Variants in PDE1A observed in about 807,000 individuals in gnomAD.
PDE1A encodes phosphodiesterase 1A, also known as dual specificity calcium/calmodulin-dependent 3',5'-cyclic nucleotide phosphodiesterase 1A.
PDE1A carries 35 observed loss-of-function variants against 61.7 expected under a neutral mutation model. The ratio of observed to expected loss-of-function variants is 0.57; its 90% CI spans 0.43 to 0.75. The LOEUF (loss-of-function observed/expected upper bound fraction) is 0.75. Ranked by LOEUF, PDE1A falls within the 30% of genes least tolerant of loss-of-function variation. PDE1A has a pLI of 0.00. For missense variants in PDE1A, 597 were observed against 630.6 expected, an observed-to-expected ratio of 0.95 and a Z score of 0.57; for synonymous variants, 232 against 213.2, an observed-to-expected ratio of 1.09 and a Z score of -0.77.
intron 6 of PDE1A, among the ~76,000 whole-genome samples, chr2:182,228,191 T>G (rs141492674): frequency 7.9e-5 from 12 of 152,032 alleles, no homozygotes; most frequent in Non-Finnish European, 1.5e-4. Flanking sequence ...AGGAGAGAGA[T>G]AGGGGGACAA....
At chr2:182,295,090 T>C (rs6712992) in intron 1 of PDE1A, among the ~76,000 whole-genome samples, 93,275 of 110,836 alleles carry the variant, frequency 0.84, 39,336 homozygotes, top group Middle Eastern at 0.88. Context: ...TTTTTTGAGA[T>C]GGAGTCTCGC....
chr2:182,610,098 A>AG, the PDE1A span, among the ~76,000 whole-genome samples: 1 of 151,890 alleles, frequency 6.6e-6, no homozygotes, highest in Non-Finnish European at 1.5e-5. Context: ...AAAAAAAAAA[A>AG]AAAAGAAAGA....
the PDE1A span, among the ~76,000 whole-genome samples, chr2:182,683,822 T>C: frequency 2.0e-5 from 3 of 152,166 alleles, no homozygotes; most frequent in East Asian, 3.9e-4. Flanking sequence ...AAACTGCTGA[T>C]AGAAATGCAA....
At chr2:182,441,677 T>G (rs1684805472) in intron 2 of PDE1A, among the ~76,000 whole-genome samples, 1 of 151,908 alleles carries the variant, frequency 6.6e-6, no homozygotes, top group African/African-American at 2.4e-5. Context: ...ATAGGCTGAA[T>G]CCAGGGCTGG....
In PDE1A at chr2:182,330,779, C is replaced by T. The variant is rs559944745; in HGVS notation, c.54-66365G>A. 5.9e-5 allele frequency among the ~76,000 whole-genome samples: 9 copies of T among 152,276 alleles called. 1 individual carries two copies. The South Asian group carries it at 1.9e-3, about 32-fold the overall frequency. On this transcript the variant is annotated intron_variant, in intron 1 of 13. Coordinates refer to ENST00000351439, the Ensembl canonical transcript of PDE1A. Reference sequence around the variant, plus strand: ...AAAAAGTTATCTTTGGCCTTGCTGACTAGTTTCTTGGTTTCTCTAGCATCA... The same window carrying T: ...AAAAAGTTATCTTTGGCCTTGCTGATTAGTTTCTTGGTTTCTCTAGCATCA...
the PDE1A span, among the ~76,000 whole-genome samples, chr2:182,549,138 A>G: frequency 6.6e-6 from 1 of 152,144 alleles, no homozygotes; most frequent in African/African-American, 2.4e-5. Flanking sequence ...TTTCCCTTGG[A>G]AAAAAATCAC....
chr2:182,656,399 A>G, the PDE1A span, among the ~76,000 whole-genome samples: 1 of 152,228 alleles, frequency 6.6e-6, no homozygotes. Context: ...TTTAGCTATA[A>G]TGCACATTCT....
At chr2:182,213,358 G>A (rs1319308231) in intron 7 of PDE1A, among the ~76,000 whole-genome samples, 49 of 84,502 alleles carry the variant, frequency 5.8e-4, no homozygotes, top group African/African-American at 2.2e-3. Context: ...AAAGCAGAGC[G>A]CCTCTCCTCC....
the PDE1A span, among the ~76,000 whole-genome samples, chr2:182,629,368 C>T: frequency 6.6e-5 from 10 of 152,044 alleles, 1 homozygote; most frequent in Admixed American, 6.6e-4. Context: ...AAGAACATTC[C>T]CCTTCTCTTT....
At chr2:182,172,408 A>C (rs977566159) in intron 13 of PDE1A, among the ~76,000 whole-genome samples, 2 of 152,058 alleles carry the variant, frequency 1.3e-5, no homozygotes, top group African/African-American at 4.8e-5. Context: ...AGTGGTTCTC[A>C]ACCTTTTATC....
At chr2:182,372,259 G>A (rs1700162794) in intron 1 of PDE1A, among the ~76,000 whole-genome samples, 2 of 152,188 alleles carry the variant, frequency 1.3e-5, no homozygotes, top group African/African-American at 4.8e-5. Flanking sequence ...CTGCTATGAG[G>A]AGGAAGGTAT....
intron 1 of PDE1A, among the ~76,000 whole-genome samples, chr2:182,365,534 A>G (rs2125205091): frequency 6.6e-6 from 1 of 152,134 alleles, no homozygotes; most frequent in African/African-American, 2.4e-5. Flanking sequence ...TATAAAATTA[A>G]CAGCAATGCC....
At chr2:182,419,171 A>C (rs973777942) in intron 1 of PDE1A, among the ~76,000 whole-genome samples, 2 of 152,168 alleles carry the variant, frequency 1.3e-5, no homozygotes, top group Non-Finnish European at 2.9e-5. Context: ...TAGGCAATGA[A>C]TTTCCTGACA....
chr2:182,403,962 C>A (rs1025014873), intron 1 of PDE1A, among the ~76,000 whole-genome samples: 1 of 151,824 alleles, frequency 6.6e-6, no homozygotes, highest in Admixed American at 6.6e-5. Context: ...TGCACATGTA[C>A]CCCAGAACTT....
chr2:182,315,237 T>C (rs1184528643), intron 1 of PDE1A, among the ~76,000 whole-genome samples: 2 of 152,190 alleles, frequency 1.3e-5, no homozygotes, highest in African/African-American at 2.4e-5. Context: ...TCTCCAATCA[T>C]TTTCATTAAT....
chr2:182,687,775 C>G, the PDE1A span, among the ~76,000 whole-genome samples: 193 of 152,244 alleles, frequency 1.3e-3, 1 homozygote, highest in Middle Eastern at 6.8e-3. Context: ...AAGTTAAAAA[C>G]CTTGAAAAAA....
chr2:182,362,878 T>A (rs1205743798), intron 1 of PDE1A, among the ~76,000 whole-genome samples: 3 of 152,078 alleles, frequency 2.0e-5, no homozygotes, highest in Non-Finnish European at 4.4e-5. Flanking sequence ...TGGAATACTA[T>A]GCAGCCATAA....
At chr2:182,347,972 A>G (rs1209977099) in intron 1 of PDE1A, among the ~76,000 whole-genome samples, 1 of 152,124 alleles carries the variant, frequency 6.6e-6, no homozygotes, top group East Asian at 1.9e-4. Flanking sequence ...AGTTTTGGGG[A>G]AAAAGGATTT....
At chr2:182,158,116 T>TA (rs1157823484) in intron 13 of PDE1A, among the ~76,000 whole-genome samples, 3 of 152,208 alleles carry the variant, frequency 2.0e-5, no homozygotes, top group Admixed American at 6.5e-5. Context: ...TTCATCTACT[T>TA]AGAGTTTGTG....
Sources: gnomAD v4.1 joint callset for allele counts (sites outside exome capture counted in the v4.1 genomes callset) on GRCh38, gnomAD v4.1.1 for gene constraint, MANE v1.5 for transcripts, NCBI Gene and HGNC (gene_info 2026-07-23, HGNC 2026-07-21) for gene names.